GLIS3: variants seen among roughly 807,000 people sequenced by gnomAD.
GLIS3 encodes GLIS family zinc finger 3.
In GLIS3, 53 loss-of-function variants were observed where a neutral mutation model predicts 78.6. The ratio of observed to expected loss-of-function variants is 0.67; its 90% confidence interval spans 0.54 to 0.85. The LOEUF is 0.85. GLIS3 is among the 40% of genes least tolerant of loss of function. GLIS3 has a pLI of 0.00. For synonymous variants in GLIS3, 684 were observed against 509.9 expected, an observed-to-expected ratio of 1.34 and a Z score of -4.60; for missense variants, 1,703 against 1,231.1, an observed-to-expected ratio of 1.38 and a Z score of -5.74.
intron 4 of GLIS3, among the ~76,000 whole-genome samples, chr9:4,099,163 C>T (rs1214981224): frequency 6.6e-6 from 1 of 152,200 alleles, no homozygotes; most frequent in African/African-American, 2.4e-5. Context: ...AATTAGATTC[C>T]TAGGGCTGCT....
chr9:3,933,814 G>C (rs557681298), intron 5 of GLIS3, among the ~76,000 whole-genome samples: 55 of 152,326 alleles, frequency 3.6e-4, no homozygotes, highest in Admixed American at 1.2e-3. Flanking sequence ...TACATTATTT[G>C]ACCTGCTAGA....
chr9:3,931,677 A>G (rs1272985731), intron 6 of GLIS3, among the ~76,000 whole-genome samples: 1 of 152,230 alleles, frequency 6.6e-6, no homozygotes, highest in Non-Finnish European at 1.5e-5. Context: ...CACTTGCTAG[A>G]CATCTTATGG....
chr9:3,876,119 C>T (rs2130431912), intron 8 of GLIS3, among the ~76,000 whole-genome samples: 1 of 152,268 alleles, frequency 6.6e-6, no homozygotes, highest in African/African-American at 2.4e-5. Context: ...AACACCACAT[C>T]ATCTATGTGG....
chr9:4,438,307 T>C, the GLIS3 span, among the ~76,000 whole-genome samples: 1 of 152,210 alleles, frequency 6.6e-6, no homozygotes, highest in Non-Finnish European at 1.5e-5. Flanking sequence ...ATATGTAATA[T>C]CTAAAGAAAA....
upstream of GLIS3, among the ~76,000 whole-genome samples, chr9:4,304,905 A>G (rs761788945): frequency 3.3e-5 from 5 of 152,218 alleles, no homozygotes; most frequent in Admixed American, 6.5e-5. Flanking sequence ...TTAACCCTAT[A>G]CAGCAGGGAA....
chr9:3,852,320 A>G (rs1347301894), intron 9 of GLIS3, among the ~76,000 whole-genome samples: 1 of 152,194 alleles, frequency 6.6e-6, no homozygotes, highest in Non-Finnish European at 1.5e-5. Flanking sequence ...GGCAGGGAGT[A>G]TAGAAGAAAT....
At chr9:3,828,618 CAA>C (rs1817861134) in intron 10 of GLIS3, among the ~76,000 whole-genome samples, 1 of 152,136 alleles carries the variant, frequency 6.6e-6, no homozygotes, top group African/African-American at 2.4e-5. Context: ...TATGACCACA[CAA>C]AAGACAGGCT....
At chr9:4,364,406 G>T in the GLIS3 span, among the ~76,000 whole-genome samples, 1 of 152,140 alleles carries the variant, frequency 6.6e-6, no homozygotes, top group African/African-American at 2.4e-5. Flanking sequence ...AGTGTGAACA[G>T]TTTCATTAAT....
At chr9:4,280,348 T>C (rs1299439893) in intron 2 of GLIS3, among the ~76,000 whole-genome samples, 2 of 152,194 alleles carry the variant, frequency 1.3e-5, no homozygotes. Context: ...TGTAACTATA[T>C]ATAAATAATA....
At chr9:4,408,070 C>A in the GLIS3 span, among the ~76,000 whole-genome samples, 2 of 152,174 alleles carry the variant, frequency 1.3e-5, no homozygotes, top group Admixed American at 1.3e-4. Context: ...AAGGAGATAT[C>A]GTATGACCCC....
At chr9:4,028,700 T>C (rs10974284) in intron 4 of GLIS3, among the ~76,000 whole-genome samples, 1,726 of 150,860 alleles carry the variant, frequency 0.011, 26 homozygotes, top group African/African-American at 0.04. Context: ...CACTTTTTCC[T>C]GCTTTTGAAT....
At chr9:4,436,937 G>C in the GLIS3 span, among the ~76,000 whole-genome samples, 1 of 151,808 alleles carries the variant, frequency 6.6e-6, no homozygotes, top group Admixed American at 6.6e-5. Context: ...GAACTAAAGA[G>C]GAAGAAAAAG....
the GLIS3 span, among the ~76,000 whole-genome samples, chr9:4,434,475 C>T: frequency 1.3e-5 from 2 of 152,032 alleles, no homozygotes; most frequent in African/African-American, 4.8e-5. Context: ...ATAATAGAAG[C>T]TTTGGGGAGA....
At chr9:4,401,515 T>C in the GLIS3 span, among the ~76,000 whole-genome samples, 1,652 of 151,890 alleles carry the variant, frequency 0.011, 44 homozygotes, top group East Asian at 0.066. Context: ...CCACTTGCCT[T>C]GGCTTCCCAA....
intron 4 of GLIS3, among the ~76,000 whole-genome samples, chr9:3,993,041 G>A (rs1333357446): frequency 3.3e-5 from 5 of 152,152 alleles, no homozygotes; most frequent in East Asian, 3.9e-4. Flanking sequence ...GGCTTTACAC[G>A]TGAGCCAGAT....
chr9:4,046,553 A>G (rs1221623022), intron 4 of GLIS3, among the ~76,000 whole-genome samples: 1 of 152,214 alleles, frequency 6.6e-6, no homozygotes, highest in Non-Finnish European at 1.5e-5. Context: ...GGGGCCAGCA[A>G]TCAATGAAGC....
At chr9:4,028,545 AAAGCTCACTG>A (rs1165624408) in intron 4 of GLIS3, among the ~76,000 whole-genome samples, 1 of 152,204 alleles carries the variant, frequency 6.6e-6, no homozygotes, top group Admixed American at 6.5e-5. Flanking sequence ...TCATAAAGGT[AAAGCTCACTG>A]AATTTTCACA....
At chr9:4,283,644 C>T (rs1827749528) in intron 2 of GLIS3, among the ~76,000 whole-genome samples, 2 of 152,178 alleles carry the variant, frequency 1.3e-5, no homozygotes, top group South Asian at 2.1e-4. Flanking sequence ...GCTTTATTGG[C>T]TATTGCATCT....
At chr9:4,130,541 G>C (rs940882997) in intron 2 of GLIS3, among the ~76,000 whole-genome samples, 1 of 152,252 alleles carries the variant, frequency 6.6e-6, no homozygotes, top group East Asian at 1.9e-4. Flanking sequence ...CCCAGGTACA[G>C]CTCAGGCCTC....
Sources: allele counts gnomAD v4.1 joint callset (sites outside exome capture counted in the v4.1 genomes callset), GRCh38; gene constraint gnomAD v4.1.1; transcripts MANE v1.5; gene names NCBI Gene and HGNC (gene_info 2026-07-23, HGNC 2026-07-21).